PLCB1: variants seen among roughly 807,000 people sequenced by gnomAD.
PLCB1 encodes phospholipase C beta 1.
A neutral mutation model predicts 161.8 loss-of-function variants in PLCB1; 46 were observed. The ratio of observed to expected loss-of-function variants is 0.28; its 90% CI spans 0.22 to 0.36. PLCB1 has a LOEUF of 0.36. Ranked by LOEUF, PLCB1 falls within the 10% of genes least tolerant of loss-of-function variation. The pLI, the probability that PLCB1 is intolerant of heterozygous loss-of-function variation, is 1.00. For missense variants in PLCB1, 1,016 were observed against 1,472.5 expected, an observed-to-expected ratio of 0.69 and a Z score of 5.07; for synonymous variants, 517 against 503.7, an observed-to-expected ratio of 1.03 and a Z score of -0.35.
intron 11 of PLCB1, among the ~76,000 whole-genome samples, chr20:8,706,343 G>T (rs959232882): frequency 2.6e-5 from 4 of 152,202 alleles, no homozygotes; most frequent in Non-Finnish European, 4.4e-5. Flanking sequence ...CCCAAAGGAA[G>T]GGGGAAGCAA....
chr20:8,460,703 T>C (rs1981538490), intron 3 of PLCB1, among the ~76,000 whole-genome samples: 1 of 152,322 alleles, frequency 6.6e-6, no homozygotes, highest in East Asian at 1.9e-4. Flanking sequence ...CTAGCCCACA[T>C]ATTCACATAT....
In PLCB1 at chr20:8,782,076, G is replaced by A. The variant is rs927372014; in HGVS notation, c.3112-6373G>A. ...AAATTTCAAAGATTATTATAACATT[G>A]AGACTCAAATAAGCAGCTATTTTAA... On this transcript the variant is annotated intron_variant, in intron 27 of 31. Coordinates refer to ENST00000338037, the MANE Select transcript of PLCB1 (RefSeq NM_015192.4). 2.6e-5 allele frequency among the ~76,000 whole-genome samples: 4 copies of A among 152,080 alleles called. No individual in the cohort carries two copies. In the South Asian group the frequency reaches 8.3e-4, roughly 32 times the overall value.
chr20:8,202,995 G>A (rs1978335444), intron 2 of PLCB1, among the ~76,000 whole-genome samples: 1 of 152,086 alleles, frequency 6.6e-6, no homozygotes, highest in Non-Finnish European at 1.5e-5. Context: ...TAGTGAATGG[G>A]AAATATTATA....
chr20:8,395,909 T>A (rs1263809738), intron 3 of PLCB1, among the ~76,000 whole-genome samples: 1 of 152,102 alleles, frequency 6.6e-6, no homozygotes, highest in Non-Finnish European at 1.5e-5. Context: ...TTTCCCCTGA[T>A]ACTTAACTGT....
intron 2 of PLCB1, among the ~76,000 whole-genome samples, chr20:8,363,086 T>C (rs1986596046): frequency 6.6e-6 from 1 of 152,094 alleles, no homozygotes; most frequent in Non-Finnish European, 1.5e-5. Flanking sequence ...TTATGCAGGG[T>C]GGGTGGAGTG....
intron 1 of PLCB1, among the ~76,000 whole-genome samples, chr20:8,137,128 A>C (rs893841246): frequency 6.6e-6 from 1 of 152,124 alleles, no homozygotes; most frequent in African/African-American, 2.4e-5. Flanking sequence ...CAACCCCCAC[A>C]GCTAAAACAG....
chr20:8,214,682 A>G (rs923477010), intron 2 of PLCB1, among the ~76,000 whole-genome samples: 2 of 149,306 alleles, frequency 1.3e-5, no homozygotes, highest in African/African-American at 2.6e-5. Flanking sequence ...TTTAGAACTA[A>G]TGTCTTTTAT....
At chr20:8,478,879 A>G (rs1373939419) in intron 3 of PLCB1, among the ~76,000 whole-genome samples, 1 of 148,848 alleles carries the variant, frequency 6.7e-6, no homozygotes, top group Non-Finnish European at 1.5e-5. Context: ...AAAATGCTCA[A>G]AATTACTTTG....
chr20:8,854,956 C>T (rs1326696509), intron 31 of PLCB1, among the ~76,000 whole-genome samples: 3 of 152,156 alleles, frequency 2.0e-5, no homozygotes, highest in African/African-American at 7.2e-5. Context: ...CTTATTATTT[C>T]AAACTAATTG....
intron 2 of PLCB1, among the ~76,000 whole-genome samples, chr20:8,361,361 A>G (rs1441300339): frequency 6.6e-6 from 1 of 152,080 alleles, no homozygotes; most frequent in Non-Finnish European, 1.5e-5. Context: ...TACCCGTTCT[A>G]GACCTAATTA....
chr20:8,440,011 C>T lies in PLCB1; in HGVS notation c.246+68561C>T, dbSNP rs188783809. ...GTTAAGGGTACATAAGGCAGTTATA[C>T]AAAAGATTATGTTGGCTTCAAAGAA... On this transcript the variant is annotated intron_variant, in intron 3 of 31. Coordinates refer to ENST00000338037, the MANE Select transcript of PLCB1 (RefSeq NM_015192.4). 1.2e-4 allele frequency among the ~76,000 whole-genome samples: 19 copies of T among 152,084 alleles called. No homozygotes were observed. In the East Asian group the frequency reaches 3.5e-3, roughly 28 times the overall value.
chr20:8,762,588 G>T (rs1982098750), intron 25 of PLCB1, among the ~76,000 whole-genome samples: 1 of 152,104 alleles, frequency 6.6e-6, no homozygotes, highest in Non-Finnish European at 1.5e-5. Flanking sequence ...AATTGCATCT[G>T]CCTCCAAGAA....
chr20:8,266,067 G>A lies in PLCB1; in HGVS notation c.178-105315G>A, dbSNP rs559986436. ...TAAGGCTTTGGGTTCTTCTTTTTCA[G>A]TCGATGTCAGTGTTGAGGCTTTGTG... On this transcript the variant is annotated intron_variant, in intron 2 of 31. Transcript: ENST00000338037. Among the ~76,000 whole-genome samples the A allele has an allele frequency of 1.6e-3, 239 of 152,212 alleles. 1 individual carries two copies. Among genetic ancestry groups the A allele is most frequent in the South Asian group, 3.3e-3 (16 of 4,812 alleles).
chr20:8,507,588 A>G (rs779105772), intron 3 of PLCB1, among the ~76,000 whole-genome samples: 1 of 152,190 alleles, frequency 6.6e-6, no homozygotes, highest in East Asian at 1.9e-4. Flanking sequence ...GATCAAAATC[A>G]TGGTAGAAAA....
intron 2 of PLCB1, among the ~76,000 whole-genome samples, chr20:8,325,362 G>A (rs993835493): frequency 5.3e-5 from 8 of 152,222 alleles, no homozygotes; most frequent in South Asian, 4.1e-4. Flanking sequence ...TCATCCCAGC[G>A]TTTTAGTTAT....
At chr20:8,525,191 G>A (rs572275628) in intron 3 of PLCB1, among the ~76,000 whole-genome samples, 1 of 151,988 alleles carries the variant, frequency 6.6e-6, no homozygotes, top group Non-Finnish European at 1.5e-5. Context: ...TCAAATTGAA[G>A]GGCAGTGGAT....
At chr20:8,658,790 G>A (rs753958559) in intron 9 of PLCB1, 86 bp downstream of exon 9, 35 of 1,124,468 alleles carry the variant, frequency 3.1e-5, no homozygotes, top group Middle Eastern at 2.1e-4. Context: ...ACCAGTGATC[G>A]TTAGGTTAGT....
In PLCB1 at chr20:8,881,893, T is replaced by TGGG. The variant is rs1988009265; in HGVS notation, c.*44_*45insGGG. 1 of 1,227,196 alleles carries TGGG rather than the reference T, an allele frequency of 8.1e-7. No individual in the cohort carries two copies. The highest frequency in any genetic ancestry group is 1.5e-5 in the African/African-American group (1 of 67,294). 76.0% of individuals were successfully genotyped at this position (1,227,196 alleles called of 1,614,324 possible). A position where few individuals can be genotyped will look rare whatever the true frequency, so the allele number is the denominator to read the frequency against. ...CAGAAATTGCATGGCCACTCCAGCG[T>TGGG]CATCGGACTCTCTCTTATTACAAAG... On this transcript the variant is annotated 3_prime_UTR_variant, in exon 32 of 32. Coordinates refer to ENST00000338037, the MANE Select transcript of PLCB1 (RefSeq NM_015192.4).
At chr20:8,567,955 C>G (rs1986392372) in intron 3 of PLCB1, among the ~76,000 whole-genome samples, 1 of 152,048 alleles carries the variant, frequency 6.6e-6, no homozygotes, top group Non-Finnish European at 1.5e-5. Context: ...ATCTCATAAC[C>G]AAATTGGAAA....
Sources: allele counts gnomAD v4.1 joint callset (sites outside exome capture counted in the v4.1 genomes callset), GRCh38; gene constraint gnomAD v4.1.1; transcripts MANE v1.5; gene names NCBI Gene and HGNC (gene_info 2026-07-23, HGNC 2026-07-21).